Variants in NDUFA10 observed in about 807,000 individuals in gnomAD.
NDUFA10 encodes the protein NADH dehydrogenase [ubiquinone] 1 alpha subcomplex subunit 10, mitochondrial.
Under a neutral mutation model 47.8 loss-of-function variants are expected in NDUFA10, and 40 were observed. That is an observed-to-expected ratio of 0.84 (90% CI 0.65 to 1.09). The LOEUF (loss-of-function observed/expected upper bound fraction) is 1.09. Ranked by LOEUF, NDUFA10 falls within the 50% of genes least tolerant of loss-of-function variation. NDUFA10 has a pLI of 0.00. For missense variants in NDUFA10, 413 were observed against 451.1 expected (o/e 0.92, Z 0.76); for synonymous variants, 183 against 172.2 (o/e 1.06, Z -0.49).
intron 4 of NDUFA10, among the ~76,000 whole-genome samples, chr2:239,944,103 G>A (rs928020732): frequency 3.9e-5 from 6 of 152,174 alleles, no homozygotes; most frequent in African/African-American, 1.4e-4. Context: ...GGGCACCGGT[G>A]CCCGCAAAAT....
intron 4 of NDUFA10, among the ~76,000 whole-genome samples, chr2:239,913,737 C>T (rs1490912148): frequency 1.3e-5 from 2 of 152,246 alleles, no homozygotes; most frequent in Non-Finnish European, 2.9e-5. Context: ...GTCAACACTG[C>T]AGAGTCCCTG....
chr2:239,964,847 G>A (rs920447933), intron 9 of NDUFA10, among the ~76,000 whole-genome samples: 5 of 152,134 alleles, frequency 3.3e-5, no homozygotes, highest in African/African-American at 4.8e-5. Flanking sequence ...GCAGAATTAA[G>A]CCCAAAGAAC....
intron 4 of NDUFA10, among the ~76,000 whole-genome samples, chr2:239,931,292 T>C (rs983844367): frequency 6.6e-6 from 1 of 152,188 alleles, no homozygotes; most frequent in African/African-American, 2.4e-5. Context: ...CCAGCACCCC[T>C]GGCATGCAGG....
intron 4 of NDUFA10, among the ~76,000 whole-genome samples, chr2:239,921,513 CTGATTGGTCCATTTTACAGAGCAA>C (rs1453534831): frequency 2.0e-5 from 3 of 152,152 alleles, no homozygotes; most frequent in Admixed American, 6.5e-5. Context: ...AGGATCCCTG[CTGATTGGTCCATTTTACAGAGCAA>C]TGATTGGTCC....
Position 239,967,979 on chromosome 2 carries a change from TACACACACACACACAC to T in NDUFA10, c.1000-6809_1000-6794del, listed in dbSNP as rs61166045. ...CAGAAATCAGTCAAGGAAAAAAATA[TACACACACACACACAC>T]ACACACACACACACAGTCACTCATT... On this transcript the variant is annotated intron_variant, in intron 9 of 9. Coordinates refer to ENST00000252711, the MANE Select transcript of NDUFA10 (RefSeq NM_004544.4). 4.5e-3 allele frequency among the ~76,000 whole-genome samples: 664 copies of T among 147,582 alleles called. 5 individuals are homozygous for T. Among genetic ancestry groups the T allele is most frequent in the African/African-American group, 0.016 (630 of 39,944 alleles).
intron 9 of NDUFA10, chr2:239,973,610 G>A (rs1227389211): frequency 4.2e-6 from 2 of 471,060 alleles, no homozygotes; most frequent in East Asian, 7.0e-5. Flanking sequence ...GCTTCAAGGA[G>A]GGAGCACAGT....
rs937599019 is a variant in NDUFA10 at position 240,016,681 on chromosome 2, T to C, written c.548-1821A>G. Among the ~76,000 whole-genome samples the C allele has an allele frequency of 1.1e-4, 17 of 151,868 alleles. No homozygotes were observed. Among genetic ancestry groups the C allele is most frequent in the Admixed American group, 8.5e-4 (13 of 15,264 alleles). On this transcript the variant is annotated intron_variant, in intron 4 of 9. Coordinates refer to ENST00000252711, the MANE Select transcript of NDUFA10 (RefSeq NM_004544.4). The surrounding 1 kb of genome is among the most constrained non-coding windows in gnomAD (Gnocchi z 4.4). ...GGGGGTCTCATCACCCCAGAAATGG[T>C]CCCCAAAGGATCTGGTCTCAGCCCT...
At position 240,016,815 on chromosome 2, in the gene NDUFA10, C is replaced by T. The variant is rs1406974738; in HGVS notation, c.547+1738G>A. Among the ~76,000 whole-genome samples, 1 of 152,168 alleles carries T rather than the reference C, an allele frequency of 6.6e-6. No homozygotes were observed. Among genetic ancestry groups the T allele is most frequent in the Non-Finnish European group, 1.5e-5 (1 of 68,036 alleles). The stretch of plus-strand genomic sequence containing the variant: ...GCCAGTCCTCAGACTTCAGCAGACA[C>T]TCAGCAGATGCCGACAGGTATCTCC... On this transcript the variant is annotated intron_variant, in intron 4 of 9. Transcript: ENST00000252711. The surrounding 1 kb of genome is among the most constrained non-coding windows in gnomAD (Gnocchi z 4.4).
downstream of NDUFA10, among the ~76,000 whole-genome samples, chr2:239,957,072 CAGA>C (rs1449091570): frequency 1.4e-4 from 22 of 152,340 alleles, no homozygotes; most frequent in African/African-American, 5.3e-4. Context: ...CAGCTCAGGC[CAGA>C]CCCTCCTTGC....
chr2:240,014,385 T>C (rs957104876), intron 5 of NDUFA10: 37 of 353,436 alleles, frequency 1.0e-4, no homozygotes, highest in Admixed American at 9.2e-4. Context: ...AAGAAAACGA[T>C]AGGACACAAA....
intron 4 of NDUFA10, among the ~76,000 whole-genome samples, chr2:239,912,385 C>A (rs768467250): frequency 6.6e-6 from 1 of 152,200 alleles, no homozygotes; most frequent in Non-Finnish European, 1.5e-5. Flanking sequence ...ATCCTCCTGC[C>A]GCCCCTGCCA....
rs182914384 is a variant in NDUFA10, at chr2:239,959,666, G to A, written c.*1452C>T. ...GGAAGGGAGGAAAACAAGGACAGAC[G>A]GAAGGAAGGAAGGAAGAGAAGGAGG... On this transcript the variant is annotated 3_prime_UTR_variant, in exon 10 of 10. Transcript: ENST00000252711. 1.8e-4 allele frequency: 164 copies of A among 910,062 alleles called. No individual in the cohort carries two copies. In the African/African-American group the frequency reaches 2.9e-3, roughly 16 times the overall value. 56.4% of individuals were successfully genotyped at this position (910,062 alleles called of 1,614,324 possible). A position where few individuals can be genotyped will look rare whatever the true frequency, so the allele number is the denominator to read the frequency against.
At chr2:239,990,758 C>T (rs1370910421) in intron 8 of NDUFA10, among the ~76,000 whole-genome samples, 2 of 152,258 alleles carry the variant, frequency 1.3e-5, no homozygotes, top group Admixed American at 6.5e-5. Context: ...ATATACAAAT[C>T]ATAGGATAGT....
At chr2:239,970,004 G>A (rs1695246507) in intron 9 of NDUFA10, among the ~76,000 whole-genome samples, 1 of 152,192 alleles carries the variant, frequency 6.6e-6, no homozygotes, top group Non-Finnish European at 1.5e-5. Context: ...CACTTTCCAT[G>A]TGTTCTGAAA....
rs964812096 is a variant in NDUFA10, at chr2:239,951,372, T to C, written c.294+38702A>G. 1.8e-4 allele frequency among the ~76,000 whole-genome samples: 28 copies of C among 152,200 alleles called. 1 individual carries two copies. Among genetic ancestry groups the C allele is most frequent in the Admixed American group, 1.7e-3 (26 of 15,280 alleles). On this transcript the variant is annotated intron_variant, in intron 4 of 5. Coordinates refer to the NDUFA10 transcript ENST00000419408. ...GGGGAGAGACGCAGACATTGATGAC[T>C]GAGTCGTCGAAGGTGGTTGAGATTG... is the stretch of plus-strand genomic sequence containing the variant.
intron 9 of NDUFA10, among the ~76,000 whole-genome samples, chr2:239,964,791 G>A (rs1694995365): frequency 6.6e-6 from 1 of 152,222 alleles, no homozygotes; most frequent in African/African-American, 2.4e-5. Flanking sequence ...ACATCTGAGA[G>A]GTGGTCCTGC....
intron 5 of NDUFA10, among the ~76,000 whole-genome samples, chr2:239,893,927 A>G (rs148999051): frequency 0.1 from 13,488 of 133,980 alleles, 568 homozygotes; most frequent in Middle Eastern, 0.19. Flanking sequence ...CATCATCCCA[A>G]TCTCATTCCT....
intron 4 of NDUFA10, among the ~76,000 whole-genome samples, chr2:239,921,974 C>CTCCTTCTTTCCTTCCCTCCCTCCT (rs1294812785): frequency 5.5e-4 from 76 of 137,012 alleles, no homozygotes; most frequent in African/African-American, 1.8e-3. Context: ...CCCTCCTTTC[C>CTCCTTCTTTCCTTCCCTCCCTCCT]TCCTTCTTTC....
rs570969911 is a variant in NDUFA10 at position 239,933,345 on chromosome 2, G to A, written c.295-38031C>T. On this transcript the variant is annotated intron_variant, in intron 4 of 5. Coordinates refer to the NDUFA10 transcript ENST00000419408. ...CTACCCTTCAGGAGTTCCCTGTCTC[G>A]CTGTCTCCTGGGGACATCCCAGGCC... Among the ~76,000 whole-genome samples, 8 of 152,146 alleles carry A rather than the reference G, an allele frequency of 5.3e-5. No homozygotes were observed. The East Asian group carries it at 9.7e-4, about 18-fold the overall frequency.
Sources: allele counts gnomAD v4.1 joint callset (sites outside exome capture counted in the v4.1 genomes callset), GRCh38; gene constraint gnomAD v4.1.1; non-coding constraint Gnocchi (gnomAD v3.1); transcripts MANE v1.5; gene names NCBI Gene and HGNC (gene_info 2026-07-23, HGNC 2026-07-21).